The following ZNF407 variants were observed in gnomAD, a reference collection of about 807,000 sequenced individuals.
ZNF407 encodes the protein zinc finger protein 407.
A neutral mutation model predicts 131.2 loss-of-function variants in ZNF407; 17 were observed. The ratio of observed to expected loss-of-function variants is 0.13; its 90% CI spans 0.09 to 0.19. The LOEUF (loss-of-function observed/expected upper bound fraction) is 0.19. ZNF407 is among the 10% of genes least tolerant of loss of function. ZNF407 has a pLI of 1.00. For missense variants in ZNF407, 2,681 were observed against 2,830.6 expected (o/e 0.95, Z 1.20); for synonymous variants, 1,156 against 1,062.0 (o/e 1.09, Z -1.72).
intron 8 of ZNF407, among the ~76,000 whole-genome samples, chr18:74,978,073 C>T (rs80206700): frequency 0.011 from 1,599 of 152,178 alleles, 25 homozygotes; most frequent in African/African-American, 0.036. Flanking sequence ...CATTTTTTAT[C>T]AAATCAGGTT....
At chr18:74,751,985 C>T (rs1968815005) in intron 3 of ZNF407, among the ~76,000 whole-genome samples, 1 of 152,180 alleles carries the variant, frequency 6.6e-6, no homozygotes, top group African/African-American at 2.4e-5. Flanking sequence ...TACAGTCCCA[C>T]CAACAGTGTA....
chr18:74,982,667 C>T (rs1349100043), intron 8 of ZNF407, among the ~76,000 whole-genome samples: 1 of 152,186 alleles, frequency 6.6e-6, no homozygotes, highest in Non-Finnish European at 1.5e-5. Context: ...GGAGCGTCAC[C>T]TCTGTTTCCT....
chr18:74,620,653 C>T (rs1446621803), intron 1 of ZNF407, among the ~76,000 whole-genome samples: 2 of 152,164 alleles, frequency 1.3e-5, no homozygotes, highest in Admixed American at 6.5e-5. Flanking sequence ...AGGTAGGTAC[C>T]TTTGCAGTCT....
chr18:74,607,585 C>T (rs1425011650), intron 1 of ZNF407, among the ~76,000 whole-genome samples: 1 of 152,014 alleles, frequency 6.6e-6, no homozygotes, highest in African/African-American at 2.4e-5. Flanking sequence ...ATTGACGGGG[C>T]TGGGTTTGTG....
At chr18:74,894,202 G>A (rs538524048) in intron 7 of ZNF407, among the ~76,000 whole-genome samples, 25 of 152,050 alleles carry the variant, frequency 1.6e-4, no homozygotes, top group Middle Eastern at 3.4e-3. Context: ...ATATCCAAAA[G>A]TCTAATCCAT....
At chr18:74,910,006 T>A (rs1311979672) in intron 7 of ZNF407, among the ~76,000 whole-genome samples, 1 of 152,206 alleles carries the variant, frequency 6.6e-6, no homozygotes, top group African/African-American at 2.4e-5. Context: ...GGTTATAATG[T>A]GGAGTTCATG....
intron 6 of ZNF407, among the ~76,000 whole-genome samples, chr18:74,884,688 GA>G (rs1971284002): frequency 6.6e-6 from 1 of 152,074 alleles, no homozygotes; most frequent in Non-Finnish European, 1.5e-5. Context: ...GAATATATAT[GA>G]CATTATTCCT....
chr18:74,663,227 A>T (rs1985788751), intron 3 of ZNF407, among the ~76,000 whole-genome samples: 1 of 152,164 alleles, frequency 6.6e-6, no homozygotes, highest in African/African-American at 2.4e-5. Flanking sequence ...TCCATTTTAG[A>T]TGCTTGTCCC....
chr18:74,635,672 G>C lies in ZNF407; in HGVS notation c.4653G>C (p.Ser1551=). Residue 1551 remains serine, a synonymous_variant, in exon 2 of 9, where the codon TCG becomes TCC. Transcript: ENST00000299687. This position sits in a 1 kb window ranked among gnomAD's most constrained non-coding sequence, Gnocchi z 4.7. ...GGAAGATGTGTCGAAGCAGCAACTC[G>C]ATGGCCTTCCTGGCACACATTCGCA... The part of the protein sequence containing the change: ...YCGKMCRSSN[S]MAFLAHIRTH... 6.2e-7 allele frequency: 1 copy of C among 1,603,582 alleles called. No homozygotes were observed. Among genetic ancestry groups the C allele is most frequent in the Non-Finnish European group, 8.5e-7 (1 of 1,174,078 alleles).
In ZNF407 at chr18:74,634,739, TGGA is replaced by T; in HGVS notation, c.3723_3725del (p.Gly1242del). ...GTGAAGGAGGAAACGCAGGAGACGG[TGGA>T]GGTGTTGTCCCCCACAGACACCTGT... is the stretch of plus-strand genomic sequence containing the variant. On this transcript the variant is annotated inframe_deletion, in exon 2 of 9. Transcript: ENST00000299687. 1 of 1,613,942 alleles carries T rather than the reference TGGA, an allele frequency of 6.2e-7. No homozygotes were observed.
At chr18:75,026,213 T>A (rs1973169435) in intron 8 of ZNF407, among the ~76,000 whole-genome samples, 1 of 152,240 alleles carries the variant, frequency 6.6e-6, no homozygotes. Context: ...ATCTCTTTAA[T>A]CTTGCTAATC....
Position 74,926,883 on chromosome 18 carries a change from C to T in ZNF407, c.5428+6191C>T, listed in dbSNP as rs928039369. 3.9e-5 allele frequency among the ~76,000 whole-genome samples: 6 copies of T among 152,154 alleles called. No individual in the cohort carries two copies. The East Asian group carries it at 9.6e-4, about 24-fold the overall frequency. On this transcript the variant is annotated intron_variant, in intron 8 of 8. Coordinates refer to ENST00000299687, the MANE Select transcript of ZNF407 (RefSeq NM_017757.3). Reference sequence around the variant, plus strand: ...AACTATATGCCAGTATTCTTCAGTACGCATATCTTCCTTTATCTGCCTAAC... The same window carrying T: ...AACTATATGCCAGTATTCTTCAGTATGCATATCTTCCTTTATCTGCCTAAC...
intron 8 of ZNF407, among the ~76,000 whole-genome samples, chr18:74,924,280 A>C (rs1473683991): frequency 6.6e-6 from 1 of 152,112 alleles, no homozygotes; most frequent in African/African-American, 2.4e-5. Context: ...AGTTTGAGAA[A>C]TTCATCAAAG....
chr18:74,741,870 G>A lies in ZNF407; in HGVS notation c.4803-39558G>A, dbSNP rs540643295. The stretch of plus-strand genomic sequence containing the variant: ...ATCTGTCATGCTCTATGAAAAAGCT[G>A]CCCAGTTGGATTTTACAATTATTTG... On this transcript the variant is annotated intron_variant, in intron 3 of 8. Coordinates refer to ENST00000299687, the MANE Select transcript of ZNF407 (RefSeq NM_017757.3). Among the ~76,000 whole-genome samples, 36 of 152,188 alleles carry A rather than the reference G, an allele frequency of 2.4e-4. 2 individuals carry two copies. In the South Asian group the frequency reaches 7.5e-3, roughly 32 times the overall value.
chr18:74,826,815 C>T (rs1205745186), intron 4 of ZNF407, among the ~76,000 whole-genome samples: 1 of 152,318 alleles, frequency 6.6e-6, no homozygotes, highest in East Asian at 1.9e-4. Flanking sequence ...ATGTCATCTT[C>T]TAGAGCAATT....
chr18:75,063,540 A>T lies in ZNF407; in HGVS notation c.5819A>T (p.Gln1940Leu). ...LPEQLADGATQVVVVGGSMEG... is the reference protein window; with the variant it reads ...LPEQLADGATLVVVVGGSMEG... Reference sequence around the variant, plus strand: ...GAGCAGCTGGCTGATGGAGCCACCCAGGTGGTCGTCGTGGGGGGCTCCATG... The same window carrying T: ...GAGCAGCTGGCTGATGGAGCCACCCTGGTGGTCGTCGTGGGGGGCTCCATG... Residue 1940 changes from glutamine to leucine, a missense_variant, in exon 9 of 9, where the codon CAG (glutamine) becomes CTG (leucine). Coordinates refer to ENST00000299687, the MANE Select transcript of ZNF407 (RefSeq NM_017757.3). The surrounding 1 kb of genome is among the most constrained non-coding windows in gnomAD (Gnocchi z 6.6). 1 of 1,571,512 alleles carries T rather than the reference A, an allele frequency of 6.4e-7. No homozygotes were observed.
chr18:74,739,549 A>G (rs1260597084), intron 3 of ZNF407, among the ~76,000 whole-genome samples: 1 of 151,784 alleles, frequency 6.6e-6, no homozygotes, highest in Non-Finnish European at 1.5e-5. Flanking sequence ...TTTAAAGTCC[A>G]GGGTTAGCTT....
chr18:74,845,888 G>C (rs963574043), intron 4 of ZNF407, among the ~76,000 whole-genome samples: 4 of 152,184 alleles, frequency 2.6e-5, no homozygotes, highest in Non-Finnish European at 5.9e-5. Flanking sequence ...AACTGATTAT[G>C]TAAGTTAGTT....
intron 8 of ZNF407, among the ~76,000 whole-genome samples, chr18:74,997,868 C>A (rs559651410): frequency 2.6e-5 from 4 of 152,332 alleles, no homozygotes; most frequent in Middle Eastern, 3.4e-3. Flanking sequence ...CTAGCCATTT[C>A]TTGAAGACAT....
Sources: allele counts gnomAD v4.1 joint callset (sites outside exome capture counted in the v4.1 genomes callset), GRCh38; gene constraint gnomAD v4.1.1; non-coding constraint Gnocchi (gnomAD v3.1); transcripts MANE v1.5; gene names NCBI Gene and HGNC (gene_info 2026-07-23, HGNC 2026-07-21).